The following C21orf91 variants were observed in gnomAD, a reference collection of about 807,000 sequenced individuals.
C21orf91 encodes protein EURL homolog.
In C21orf91, 26 loss-of-function variants were observed where a neutral mutation model predicts 32.9. The ratio of observed to expected loss-of-function variants is 0.79; its 90% CI spans 0.58 to 1.10. The LOEUF (loss-of-function observed/expected upper bound fraction) is 1.10, where lower values mean the gene tolerates loss of function less well. Ranked by LOEUF, C21orf91 falls within the 50% of genes least tolerant of loss-of-function variation. The pLI is 0.00. For synonymous variants in C21orf91, 126 were observed against 120.4 expected (o/e 1.05, Z -0.31); for missense variants, 310 against 341.3 (o/e 0.91, Z 0.72).
At chr21:17,816,393 G>C (rs111350688) in intron 2 of C21orf91, among the ~76,000 whole-genome samples, 1 of 152,166 alleles carries the variant, frequency 6.6e-6, no homozygotes, top group African/African-American at 2.4e-5. Context: ...TTCGATCATG[G>C]CATGAACTCC....
At chr21:17,807,538 T>G (rs982806324) in intron 2 of C21orf91, among the ~76,000 whole-genome samples, 1 of 152,046 alleles carries the variant, frequency 6.6e-6, no homozygotes, top group African/African-American at 2.4e-5. Context: ...TGCGCAGAGG[T>G]TGGAACAGTT....
intron 2 of C21orf91, among the ~76,000 whole-genome samples, chr21:17,813,129 G>A (rs1189330313): frequency 6.6e-6 from 1 of 152,208 alleles, no homozygotes; most frequent in African/African-American, 2.4e-5. Context: ...TGCCATTACA[G>A]GATGGGAAAT....
intron 3 of C21orf91, 30 bp from the exon 4 acceptor site, chr21:17,795,300 C>T (rs188681955): frequency 6.8e-7 from 1 of 1,462,042 alleles, no homozygotes; most frequent in Non-Finnish European, 9.6e-7. Context: ...TCACTATTAC[C>T]ACAACAACCT....
Position 17,791,844 on chromosome 21 carries a change from T to C in C21orf91, c.*1571A>G, listed in dbSNP as rs2062476681. The C allele has an allele frequency of 6.6e-6, 1 of 152,168 alleles. No individual in the cohort carries two copies. The highest frequency in any genetic ancestry group is 6.5e-5 in the Admixed American group (1 of 15,272). The allele number at this position is 152,168 out of a possible 1,614,324, so 9.4% of individuals were successfully genotyped here. Reference sequence around the variant, plus strand: ...AAATTCCCTCCAAAAAGTAATGTTATACTTCAAAGAAAAACAAAATCAACA... The same window carrying C: ...AAATTCCCTCCAAAAAGTAATGTTACACTTCAAAGAAAAACAAAATCAACA... On this transcript the variant is annotated 3_prime_UTR_variant, in exon 5 of 5. Coordinates refer to ENST00000284881, the MANE Select transcript of C21orf91 (RefSeq NM_001100420.2).
intron 2 of C21orf91, among the ~76,000 whole-genome samples, chr21:17,814,338 T>C (rs2062651732): frequency 6.6e-6 from 1 of 152,210 alleles, no homozygotes; most frequent in Non-Finnish European, 1.5e-5. Context: ...ATCACTAATA[T>C]GTATGAAAAA....
chr21:17,792,170 C>A lies in C21orf91; in HGVS notation c.*1245G>T, dbSNP rs189035196. Reference sequence around the variant, plus strand: ...ATTTTAATTCTGCATTGGTTATAGCCTTTACTGTAATACATTATTAAAATT... The same window carrying A: ...ATTTTAATTCTGCATTGGTTATAGCATTTACTGTAATACATTATTAAAATT... On this transcript the variant is annotated 3_prime_UTR_variant, in exon 5 of 5. Transcript: ENST00000284881. 5.9e-5 allele frequency: 9 copies of A among 152,246 alleles called. No individual in the cohort carries two copies. Among genetic ancestry groups the A allele is most frequent in the Admixed American group, 2.6e-4 (4 of 15,292 alleles). 9.4% of individuals were successfully genotyped at this position (152,246 alleles called of 1,614,324 possible).
At chr21:17,809,538 G>A (rs181899367) in intron 2 of C21orf91, among the ~76,000 whole-genome samples, 217 of 152,202 alleles carry the variant, frequency 1.4e-3, no homozygotes, top group African/African-American at 5.0e-3. Flanking sequence ...ACCAGTATAC[G>A]TTTAGGACAG....
intron 2 of C21orf91, among the ~76,000 whole-genome samples, chr21:17,809,544 G>A (rs1196042273): frequency 6.6e-6 from 1 of 152,054 alleles, no homozygotes; most frequent in Non-Finnish European, 1.5e-5. Flanking sequence ...ATACGTTTAG[G>A]ACAGATATTA....
intron 2 of C21orf91, among the ~76,000 whole-genome samples, chr21:17,807,456 A>C (rs750125001): frequency 7.9e-5 from 12 of 152,192 alleles, no homozygotes; most frequent in Non-Finnish European, 1.5e-4. Context: ...CCAATACAGA[A>C]AATCAGTACT....
chr21:17,796,994 TTCA>T lies in C21orf91; in HGVS notation c.249_251del (p.Tyr83_Glu84delinsTer), dbSNP rs777018700. 16 of 1,613,690 alleles carry T rather than the reference TTCA, an allele frequency of 9.9e-6. No homozygotes were observed. Among genetic ancestry groups the T allele is most frequent in the Non-Finnish European group, 1.3e-5 (15 of 1,179,668 alleles). ...TCTTACTCAAAATGGTTTTAACTTC[TTCA>T]TAAGTACTTTTTGAAAGCTTAGATC... On this transcript the variant is annotated stop_gained and inframe_deletion, in exon 3 of 5. Transcript: ENST00000284881. LOFTEE classifies it high-confidence loss of function.
In C21orf91 at chr21:17,793,605, AT is replaced by A. The variant is rs530934931; in HGVS notation, c.728-25del. 1,553 of 1,515,906 alleles carry A rather than the reference AT, an allele frequency of 1.0e-3. 2 individuals are homozygous for A. The highest frequency in any genetic ancestry group is 2.7e-3 in the South Asian group (239 of 87,672). 93.9% of individuals were successfully genotyped at this position (1,515,906 alleles called of 1,614,324 possible). ...TTCTGTAAAAGATTTAAAAACTTTC[AT>A]TTTTAGTATGCAGAAAGCCGGTGCT... is the stretch of plus-strand genomic sequence containing the variant. On this transcript the variant is annotated intron_variant, in intron 4 of 4. Transcript: ENST00000284881.
chr21:17,814,857 A>C (rs552422417), intron 2 of C21orf91, among the ~76,000 whole-genome samples: 1 of 152,236 alleles, frequency 6.6e-6, no homozygotes. Flanking sequence ...GATCCAAACC[A>C]TATCAAATGG....
chr21:17,807,229 T>G (rs756895555), intron 2 of C21orf91, among the ~76,000 whole-genome samples: 1 of 152,168 alleles, frequency 6.6e-6, no homozygotes, highest in Non-Finnish European at 1.5e-5. Flanking sequence ...GGGAGCAAAC[T>G]TCCCCCCTTG....
At chr21:17,812,680 G>A (rs1485193031) in intron 2 of C21orf91, among the ~76,000 whole-genome samples, 3 of 152,040 alleles carry the variant, frequency 2.0e-5, no homozygotes, top group African/African-American at 7.2e-5. Context: ...ATGGTGGTGG[G>A]CGCCTGTAGT....
chr21:17,795,421 T>C, intron 3 of C21orf91, 151 bp from the exon 4 acceptor site: 1 of 625,970 alleles, frequency 1.6e-6, no homozygotes, highest in South Asian at 1.9e-5. Context: ...TTAACGCTCG[T>C]AAGTGTGGAG....
Position 17,790,829 on chromosome 21 carries a change from T to C in C21orf91, c.*2586A>G, listed in dbSNP as rs1385341927. ...TGTGTGGTCAAAAACACTTTTCTAA[T>C]TTTTAAAACTCAATTTAACGTGTCA... On this transcript the variant is annotated 3_prime_UTR_variant, in exon 5 of 5. Transcript: ENST00000284881. 6.6e-6 allele frequency: 1 copy of C among 152,156 alleles called. No homozygotes were observed. The allele number at this position is 152,156 out of a possible 1,614,324, so 9.4% of individuals were successfully genotyped here.
chr21:17,798,705 T>C (rs1194461206), intron 2 of C21orf91, among the ~76,000 whole-genome samples: 1 of 152,228 alleles, frequency 6.6e-6, no homozygotes, highest in South Asian at 2.1e-4. Flanking sequence ...AAAGCTTTAT[T>C]TGATAATAGA....
chr21:17,790,082 T>C lies in C21orf91; in HGVS notation c.*3333A>G, dbSNP rs374824881. 2 of 152,088 alleles carry C rather than the reference T, an allele frequency of 1.3e-5. No individual in the cohort carries two copies. The highest frequency in any genetic ancestry group is 3.2e-3 in the Middle Eastern group (1 of 316). 9.4% of individuals were successfully genotyped at this position (152,088 alleles called of 1,614,324 possible). A position where few individuals can be genotyped will look rare whatever the true frequency, so the allele number is the denominator to read the frequency against. Reference sequence around the variant, plus strand: ...GGCATACATCAGAAAAAGTTGACAATAGAAGAATTTTACATGGTACCATTT... The same window carrying C: ...GGCATACATCAGAAAAAGTTGACAACAGAAGAATTTTACATGGTACCATTT... On this transcript the variant is annotated 3_prime_UTR_variant, in exon 5 of 5. Transcript: ENST00000284881.
Position 17,808,340 on chromosome 21 carries a change from C to A in C21orf91, c.127+9852G>T, listed in dbSNP as rs555465795. ...AGAGTTGAGGCTTGGGAGCCTCTAC[C>A]TAGATTTCAGAGGATGTATGGAAAT... On this transcript the variant is annotated intron_variant, in intron 2 of 4. Transcript: ENST00000284881. 9.2e-5 allele frequency among the ~76,000 whole-genome samples: 14 copies of A among 152,332 alleles called. No homozygotes were observed. In the East Asian group the frequency reaches 2.7e-3, roughly 29 times the overall value.
Sources: allele counts gnomAD v4.1 joint callset (sites outside exome capture counted in the v4.1 genomes callset), GRCh38; gene constraint gnomAD v4.1.1; transcripts MANE v1.5; gene names NCBI Gene and HGNC (gene_info 2026-07-23, HGNC 2026-07-21).